Variants in SPEN observed in about 807,000 individuals in gnomAD.
SPEN encodes spen family transcriptional repressor, also known as msx2-interacting protein.
SPEN carries 18 observed loss-of-function variants against 269.9 expected under a neutral mutation model. The observed-to-expected ratio is 0.07, with a 90% CI of 0.05 to 0.10. The LOEUF (loss-of-function observed/expected upper bound fraction) is 0.10. Ranked by LOEUF, SPEN falls within the 10% of genes least tolerant of loss-of-function variation. SPEN has a pLI of 1.00. For missense variants in SPEN, 3,822 were observed against 4,631.2 expected, an observed-to-expected ratio of 0.83 and a Z score of 5.07; for synonymous variants, 1,726 against 1,765.7, an observed-to-expected ratio of 0.98 and a Z score of 0.56.
intron 8 of SPEN, among the ~76,000 whole-genome samples, chr1:15,920,097 T>G (rs994039384): frequency 2.0e-5 from 3 of 151,828 alleles, no homozygotes; most frequent in Non-Finnish European, 4.4e-5. Context: ...TGAGACAGAG[T>G]CTCACTCTGT....
intron 1 of SPEN, among the ~76,000 whole-genome samples, chr1:15,871,320 C>T (rs761306788): frequency 6.6e-6 from 1 of 151,770 alleles, no homozygotes; most frequent in Non-Finnish European, 1.5e-5. Flanking sequence ...GGATTAGAAC[C>T]CTAGTCACTT....
In SPEN at chr1:15,937,242, G is replaced by T. The variant is rs1420657536; in HGVS notation, c.10106G>T (p.Cys3369Phe). 1.9e-6 allele frequency: 3 copies of T among 1,613,358 alleles called. No homozygotes were observed. The highest frequency in any genetic ancestry group is 1.3e-5 in the African/African-American group (1 of 74,682). ...CAGCCTGCCCAGCCTGCACCACCCT[G>T]CCCGCCCTCCCAGCTCGGTCAGCCC... ...STQPAQPAPPCPPSQLGQPGQ... is the reference protein window; with the variant it reads ...STQPAQPAPPFPPSQLGQPGQ... The change falls in exon 12 of 15, where the codon TGC (cysteine) becomes TTC (phenylalanine). Residue 3369 changes from cysteine (C) to phenylalanine (F), a missense_variant. Cys to Phe is a radical substitution (Grantham distance 205, BLOSUM62 -2). Around this residue, in one of 16 missense-constraint regions of SPEN, gnomAD observed 359 missense variants for 377.3 expected, o/e 0.95. Coordinates refer to ENST00000375759, the MANE Select transcript of SPEN (RefSeq NM_015001.3). The surrounding 1 kb of genome is among the most constrained non-coding windows in gnomAD (Gnocchi z 5.7).
At chr1:15,906,453 C>CTTTTTT (rs200731520) in intron 3 of SPEN, among the ~76,000 whole-genome samples, 70 of 92,572 alleles carry the variant, frequency 7.6e-4, no homozygotes, top group Non-Finnish European at 9.2e-4. Context: ...TCTTTCTTTC[C>CTTTTTT]TTTTTTTTTT....
At chr1:15,874,572 C>T (rs2070613080) in intron 2 of SPEN, among the ~76,000 whole-genome samples, 1 of 152,172 alleles carries the variant, frequency 6.6e-6, no homozygotes, top group Non-Finnish European at 1.5e-5. Flanking sequence ...TGGATAAGAA[C>T]TTTGCATATT....
chr1:15,902,472 A>G (rs1365831659), intron 3 of SPEN, among the ~76,000 whole-genome samples: 2 of 151,936 alleles, frequency 1.3e-5, no homozygotes, highest in Non-Finnish European at 2.9e-5. Flanking sequence ...TATAAAAAAA[A>G]TGAGATGTGG....
At chr1:15,894,536 GTTTTTTTTTTT>G (rs766111268) in intron 3 of SPEN, among the ~76,000 whole-genome samples, 1 of 100,382 alleles carries the variant, frequency 1.0e-5, no homozygotes, top group South Asian at 3.5e-4. Context: ...TATTATGGTT[GTTTTTTTTTTT>G]TTTTTTTTTT....
At chr1:15,909,804 G>A (rs1389646646) in intron 4 of SPEN, among the ~76,000 whole-genome samples, 1 of 152,114 alleles carries the variant, frequency 6.6e-6, no homozygotes, top group Non-Finnish European at 1.5e-5. Flanking sequence ...TTTTAGCTAA[G>A]TGTATTTCAG....
intron 1 of SPEN, among the ~76,000 whole-genome samples, chr1:15,865,455 ACT>A (rs2070495881): frequency 8.4e-6 from 1 of 118,982 alleles, no homozygotes; most frequent in East Asian, 2.4e-4. Context: ...ACGGTGTCTC[ACT>A]CTGTTGCCAG....
rs921695605 is a variant in SPEN at position 15,848,760 on chromosome 1, G to T, written c.83+610G>T. Among the ~76,000 whole-genome samples the T allele has an allele frequency of 2.0e-5, 3 of 152,142 alleles. No individual in the cohort carries two copies. The highest frequency in any genetic ancestry group is 7.2e-5 in the African/African-American group (3 of 41,428). ...TCACTGGGAATGGCAAACGTTTCTCGTTTTTGCGGGGCTGGGTGGAGAGTG... is the reference window on the plus strand; with the variant it reads ...TCACTGGGAATGGCAAACGTTTCTCTTTTTTGCGGGGCTGGGTGGAGAGTG... On this transcript the variant is annotated intron_variant, in intron 1 of 14. Transcript: ENST00000375759. This position sits in a 1 kb window ranked among gnomAD's most constrained non-coding sequence, Gnocchi z 5.1.
At chr1:15,881,655 A>G (rs892056618) in intron 3 of SPEN, among the ~76,000 whole-genome samples, 1 of 152,246 alleles carries the variant, frequency 6.6e-6, no homozygotes, top group Non-Finnish European at 1.5e-5. Flanking sequence ...AGTTTTTGTC[A>G]TTTAAATTGT....
intron 3 of SPEN, among the ~76,000 whole-genome samples, chr1:15,890,837 G>A (rs912773239): frequency 6.6e-6 from 1 of 152,002 alleles, no homozygotes; most frequent in Non-Finnish European, 1.5e-5. Flanking sequence ...GCCTATTCTG[G>A]CCATTTAATA....
At chr1:15,892,012 C>CTTTTTTTTTTTTTTT (rs71003216) in intron 3 of SPEN, among the ~76,000 whole-genome samples, 16 of 74,570 alleles carry the variant, frequency 2.1e-4, no homozygotes, top group African/African-American at 3.9e-4. Context: ...TTTCTTTTTA[C>CTTTTTTTTTTTTTTT]TTTTTTTTTT....
chr1:15,928,367 T>G lies in SPEN; in HGVS notation c.2127T>G (p.Phe709Leu). 1.2e-6 allele frequency: 2 copies of G among 1,614,148 alleles called. No individual in the cohort carries two copies. Among genetic ancestry groups the G allele is most frequent in the South Asian group, 1.1e-5 (1 of 91,078 alleles). Reference sequence around the variant, plus strand: ...AACGAGAAAGAGAACGTGAAAGATTTGAGTCTGACCGGGACAGAGACCATG... The same window carrying G: ...AACGAGAAAGAGAACGTGAAAGATTGGAGTCTGACCGGGACAGAGACCATG... ...QRERERERER[F>L]ESDRDRDHER... The change falls in exon 11 of 15, where the codon TTT (phenylalanine) becomes TTG (leucine). Residue 709 changes from phenylalanine (F) to leucine (L), a missense_variant. Around this residue, in one of 16 missense-constraint regions of SPEN, gnomAD observed 572 missense variants for 582.6 expected, o/e 0.98. Coordinates refer to ENST00000375759, the MANE Select transcript of SPEN (RefSeq NM_015001.3). The surrounding 1 kb of genome is among the most constrained non-coding windows in gnomAD (Gnocchi z 5.7).
At chr1:15,859,927 T>TTTG in intron 1 of SPEN, among the ~76,000 whole-genome samples, 1 of 141,442 alleles carries the variant, frequency 7.1e-6, no homozygotes, top group Non-Finnish European at 1.5e-5. Context: ...TTTTTTTTTT[T>TTTG]TTGAGACGGA....
chr1:15,929,656 A>C lies in SPEN; in HGVS notation c.3416A>C (p.Glu1139Ala). The change falls in exon 11 of 15, where the codon GAA (glutamate) becomes GCA (alanine). Residue 1139 changes from glutamate to alanine, a missense_variant. Physicochemically the swap from Glu to Ala is moderately radical, Grantham distance 107. Transcript: ENST00000375759. This position sits in a 1 kb window ranked among gnomAD's most constrained non-coding sequence, Gnocchi z 5.8. ...AAAAACTATTGCAGTCTTCGTGATG[A>C]AACACCTGAACGTAAATCAGGCCAA... Reference protein sequence around the residue: ...VRKNYCSLRDETPERKSGQEK... With the variant: ...VRKNYCSLRDATPERKSGQEK... 6.2e-7 allele frequency: 1 copy of C among 1,614,200 alleles called. No homozygotes were observed. The highest frequency in any genetic ancestry group is 8.5e-7 in the Non-Finnish European group (1 of 1,180,028).
chr1:15,907,641 C>A (rs2070972535), intron 3 of SPEN, among the ~76,000 whole-genome samples: 1 of 152,080 alleles, frequency 6.6e-6, no homozygotes, highest in Admixed American at 6.6e-5. Context: ...ATGGATTCAC[C>A]ACTCAAAATG....
chr1:15,921,709 C>T (rs981464845), intron 9 of SPEN, among the ~76,000 whole-genome samples: 1 of 152,076 alleles, frequency 6.6e-6, no homozygotes, highest in South Asian at 2.1e-4. Context: ...AACTTTATGT[C>T]CAGTGTATGT....
At chr1:15,881,208 G>A (rs12128413) in intron 3 of SPEN, among the ~76,000 whole-genome samples, 4 of 152,194 alleles carry the variant, frequency 2.6e-5, no homozygotes, top group Non-Finnish European at 4.4e-5. Context: ...GGCTTCAAGC[G>A]ATCTTCCCTC....
intron 1 of SPEN, among the ~76,000 whole-genome samples, chr1:15,866,460 T>C (rs1318680433): frequency 6.6e-6 from 1 of 152,062 alleles, no homozygotes; most frequent in Non-Finnish European, 1.5e-5. Context: ...TTCACGCCAT[T>C]CTCCTGCCTC....
Sources: allele counts gnomAD v4.1 joint callset (sites outside exome capture counted in the v4.1 genomes callset), GRCh38; gene constraint gnomAD v4.1.1; regional missense constraint gnomAD v4.1.1; non-coding constraint Gnocchi (gnomAD v3.1); transcripts MANE v1.5; gene names NCBI Gene and HGNC (gene_info 2026-07-23, HGNC 2026-07-21).